Variants in PDZRN3 observed in about 807,000 individuals in gnomAD.
The protein encoded by PDZRN3 is PDZ domain containing ring finger 3, also known as E3 ubiquitin-protein ligase PDZRN3.
A neutral mutation model predicts 85.7 loss-of-function variants in PDZRN3; 38 were observed. That is an observed-to-expected ratio of 0.44 (90% CI 0.34 to 0.58). The LOEUF is 0.58. Ranked by LOEUF, PDZRN3 falls within the 20% of genes least tolerant of loss-of-function variation. The pLI, the probability that PDZRN3 is intolerant of heterozygous loss-of-function variation, is 0.01. For missense variants in PDZRN3, 1,629 were observed against 1,506.4 expected (o/e 1.08, Z -1.35); for synonymous variants, 759 against 638.0 (o/e 1.19, Z -2.86).
intron 1 of PDZRN3, among the ~76,000 whole-genome samples, chr3:73,617,332 CATT>C (rs1206718765): frequency 6.6e-6 from 1 of 152,130 alleles, no homozygotes; most frequent in Non-Finnish European, 1.5e-5. Context: ...CAAGAGTAAT[CATT>C]ATGTTATACC....
intron 3 of PDZRN3, among the ~76,000 whole-genome samples, chr3:73,589,195 T>C (rs1702319796): frequency 6.6e-6 from 1 of 152,072 alleles, no homozygotes; most frequent in Non-Finnish European, 1.5e-5. Context: ...TTTTGGTTTG[T>C]ATTTGTCACA....
At chr3:73,435,066 G>T (rs1040876985) in intron 3 of PDZRN3, among the ~76,000 whole-genome samples, 4 of 152,176 alleles carry the variant, frequency 2.6e-5, no homozygotes, top group African/African-American at 7.2e-5. Flanking sequence ...TGTCTCCGGG[G>T]AGGACTCCCA....
intron 4 of PDZRN3, 69 bp from the exon 5 acceptor site, chr3:73,401,078 G>A: frequency 8.8e-7 from 1 of 1,132,292 alleles, no homozygotes; most frequent in South Asian, 1.2e-5. Flanking sequence ...TACACCCATT[G>A]TCAGGCCAGT....
intron 5 of PDZRN3, among the ~76,000 whole-genome samples, chr3:73,392,616 T>C (rs1045106955): frequency 6.6e-6 from 1 of 152,226 alleles, no homozygotes; most frequent in African/African-American, 2.4e-5. Context: ...CGGTCACCAG[T>C]AGTATAATAA....
In PDZRN3 at chr3:73,624,754, G is replaced by C. The variant is rs765758962; in HGVS notation, c.72C>G (p.Val24=). Residue 24 remains valine, a synonymous_variant, in exon 1 of 10, where the codon GTC becomes GTG. Transcript: ENST00000263666. Reference sequence around the variant, plus strand: ...ACGGCGTGGTCAGCGGGTCCTCCAGGACCTTGTGGCACAGCGCGCACTTCA... The same window carrying C: ...ACGGCGTGGTCAGCGGGTCCTCCAGCACCTTGTGGCACAGCGCGCACTTCA... ...PDLKCALCHK[V]LEDPLTTPCG... The C allele has an allele frequency of 1.3e-6, 2 of 1,507,492 alleles. No homozygotes were observed. Among genetic ancestry groups the C allele is most frequent in the Non-Finnish European group, 1.8e-6 (2 of 1,135,862 alleles). 93.4% of individuals were successfully genotyped at this position (1,507,492 alleles called of 1,614,324 possible). A position where few individuals can be genotyped will look rare whatever the true frequency, so the allele number is the denominator to read the frequency against.
At chr3:73,457,591 G>C (rs1172420909) in intron 3 of PDZRN3, among the ~76,000 whole-genome samples, 1 of 152,072 alleles carries the variant, frequency 6.6e-6, no homozygotes, top group African/African-American at 2.4e-5. Flanking sequence ...GCCTGGTCCT[G>C]TTTCTCATCA....
At chr3:73,526,139 TG>T (rs987863077) in intron 3 of PDZRN3, among the ~76,000 whole-genome samples, 45 of 152,292 alleles carry the variant, frequency 3.0e-4, no homozygotes, top group African/African-American at 9.9e-4. Flanking sequence ...ACCTACCTCA[TG>T]TTTTTTCTGT....
chr3:73,507,963 C>G (rs777020175), intron 3 of PDZRN3, among the ~76,000 whole-genome samples: 1 of 151,990 alleles, frequency 6.6e-6, no homozygotes, highest in African/African-American at 2.4e-5. Flanking sequence ...CATGGTGGCA[C>G]GTGCCTGTAA....
At chr3:73,489,570 C>CTTTTTTTTT (rs1267520267) in intron 3 of PDZRN3, among the ~76,000 whole-genome samples, 4 of 17,184 alleles carry the variant, frequency 2.3e-4, no homozygotes, top group Non-Finnish European at 5.2e-4. Context: ...TGGGCAGTTT[C>CTTTTTTTTT]TTTTCTTTTT....
At chr3:73,398,448 T>A (rs1235888472) in intron 5 of PDZRN3, among the ~76,000 whole-genome samples, 1 of 152,174 alleles carries the variant, frequency 6.6e-6, no homozygotes. Flanking sequence ...AGGAACCTTG[T>A]TAAAGTGCAG....
intron 3 of PDZRN3, among the ~76,000 whole-genome samples, chr3:73,468,126 TAAAAA>T (rs943617896): frequency 6.6e-6 from 1 of 150,790 alleles, no homozygotes; most frequent in Non-Finnish European, 1.5e-5. Context: ...TAATAATAAT[TAAAAA>T]AAAAGCTGAA....
Position 73,602,470 on chromosome 3 carries a change from T to TAA in PDZRN3, c.811-11_811-10dup. 3.9e-6 allele frequency: 4 copies of TAA among 1,036,444 alleles called. No homozygotes were observed. Among genetic ancestry groups the TAA allele is most frequent in the Non-Finnish European group, 5.7e-6 (4 of 699,900 alleles). 64.2% of individuals were successfully genotyped at this position (1,036,444 alleles called of 1,614,324 possible). On this transcript the variant is annotated splice_polypyrimidine_tract_variant and intron_variant, in intron 2 of 9. Transcript: ENST00000263666. ...GATCCATCGTGGTTATCCTTTGGGT[T>TAA]AAAAAAAAAAACATGCATGAATGCT...
chr3:73,453,411 A>C lies in PDZRN3; in HGVS notation c.919-49016T>G, dbSNP rs1293463655. Among the ~76,000 whole-genome samples, 131 of 134,450 alleles carry C rather than the reference A, an allele frequency of 9.7e-4. 1 individual carries two copies. The highest frequency in any genetic ancestry group is 1.5e-3 in the Non-Finnish European group (92 of 62,314). 88.2% of individuals were successfully genotyped at this position (134,450 alleles called of 152,430 possible). On this transcript the variant is annotated intron_variant, in intron 3 of 9. Coordinates refer to ENST00000263666, the MANE Select transcript of PDZRN3 (RefSeq NM_015009.3). ...CAGAGTGAGACTTCGTCTCAAAAAAAAAAAAAAAAAAACAAAAAAAAAAAA... is the reference window on the plus strand; with the variant it reads ...CAGAGTGAGACTTCGTCTCAAAAAACAAAAAAAAAAAACAAAAAAAAAAAA...
chr3:73,385,674 G>A lies in PDZRN3; in HGVS notation c.1630C>T (p.Gln544Ter). The A allele has an allele frequency of 6.3e-7, 1 of 1,597,234 alleles. No individual in the cohort carries two copies. The highest frequency in any genetic ancestry group is 8.6e-7 in the Non-Finnish European group (1 of 1,165,126). ...QAMQFTASVL[Q>*]QKKHDEDGGT... ...GACTGGTGCGTGGGCGTTACCTGCT[G>A]CAGCACGCTAGCTGTGAATTGCATG... Residue 544 changes from glutamine (Q) to a stop codon, truncating the protein, a stop_gained, in exon 9 of 10, where the codon CAG becomes TAG. Transcript: ENST00000263666. LOFTEE classifies it high-confidence loss of function.
intron 3 of PDZRN3, among the ~76,000 whole-genome samples, chr3:73,466,993 G>A (rs1029207014): frequency 5.3e-5 from 8 of 152,138 alleles, no homozygotes; most frequent in South Asian, 2.1e-4. Flanking sequence ...TGGGTCCCCA[G>A]GAATTTATCC....
intron 3 of PDZRN3, among the ~76,000 whole-genome samples, chr3:73,419,209 T>C (rs941163153): frequency 2.0e-5 from 3 of 152,062 alleles, no homozygotes; most frequent in South Asian, 2.1e-4. Flanking sequence ...TGAGGAAACG[T>C]AGGGGTTTTT....
At chr3:73,412,814 T>G (rs1701999696) in intron 3 of PDZRN3, among the ~76,000 whole-genome samples, 1 of 152,200 alleles carries the variant, frequency 6.6e-6, no homozygotes, top group Non-Finnish European at 1.5e-5. Context: ...GGTTAGCTAT[T>G]TATTATCCTC....
At chr3:73,541,460 C>T (rs1704920122) in intron 3 of PDZRN3, among the ~76,000 whole-genome samples, 1 of 152,130 alleles carries the variant, frequency 6.6e-6, no homozygotes, top group African/African-American at 2.4e-5. Context: ...CTCCTTTTTA[C>T]ACAAGAAAAC....
chr3:73,516,064 T>C (rs1704250796), intron 3 of PDZRN3, among the ~76,000 whole-genome samples: 1 of 152,232 alleles, frequency 6.6e-6, no homozygotes, highest in African/African-American at 2.4e-5. Flanking sequence ...TTCTTTTTAA[T>C]AGGGCTTCCT....
Sources: gnomAD v4.1 joint callset for allele counts (sites outside exome capture counted in the v4.1 genomes callset) on GRCh38, gnomAD v4.1.1 for gene constraint, MANE v1.5 for transcripts, NCBI Gene and HGNC (gene_info 2026-07-23, HGNC 2026-07-21) for gene names.